Variants in RBFOX1 observed in about 807,000 individuals in gnomAD.
RBFOX1 encodes the protein RNA binding protein fox-1 homolog 1.
RBFOX1 carries 8 observed loss-of-function variants against 57.7 expected under a neutral mutation model. That is an observed-to-expected ratio of 0.14 (90% CI 0.08 to 0.25). The LOEUF (loss-of-function observed/expected upper bound fraction) is 0.25, where lower values mean the gene tolerates loss of function less well. Among genes scored for constraint, RBFOX1 ranks in the 10% least tolerant of loss-of-function variants. The pLI is 1.00. For synonymous variants in RBFOX1, 326 were observed against 222.4 expected (o/e 1.47, Z -4.15); for missense variants, 611 against 548.5 (o/e 1.11, Z -1.14).
intron 1 of RBFOX1, among the ~76,000 whole-genome samples, chr16:6,021,023 C>T (rs1488127574): frequency 6.6e-6 from 1 of 152,176 alleles, no homozygotes; most frequent in Non-Finnish European, 1.5e-5. Context: ...GGCACTGGAA[C>T]ATCTGGGGTG....
At chr16:5,358,681 G>T (rs944819843) in intron 1 of RBFOX1, among the ~76,000 whole-genome samples, 1 of 152,152 alleles carries the variant, frequency 6.6e-6, no homozygotes, top group Non-Finnish European at 1.5e-5. Flanking sequence ...AAATTAGCCG[G>T]GTGTGGTGGC....
chr16:6,565,357 A>G (rs550893803), intron 2 of RBFOX1, among the ~76,000 whole-genome samples: 1 of 152,116 alleles, frequency 6.6e-6, no homozygotes, highest in Admixed American at 6.5e-5. Flanking sequence ...CCCAGATTCA[A>G]GCTGATTCTC....
rs1038322483 is a variant in RBFOX1 at position 5,351,201 on chromosome 16, C to T, written c.219+111096C>T. 4.6e-5 allele frequency among the ~76,000 whole-genome samples: 7 copies of T among 152,080 alleles called. No homozygotes were observed. The East Asian group carries it at 5.8e-4, about 13-fold the overall frequency. ...TAATGCCATATTGATTTATTTAACT[C>T]GACTATGTGCCAGACACTGCCTGAA... On this transcript the variant is annotated intron_variant, in intron 1 of 2. Coordinates refer to the RBFOX1 transcript ENST00000585867.
chr16:6,344,508 C>T (rs1306295571), intron 2 of RBFOX1, among the ~76,000 whole-genome samples: 1 of 147,972 alleles, frequency 6.8e-6, no homozygotes, highest in African/African-American at 2.5e-5. Flanking sequence ...CGCCATTCTC[C>T]TGCCTCAGCC....
chr16:6,903,653 G>A (rs767346772), intron 3 of RBFOX1, among the ~76,000 whole-genome samples: 1 of 152,218 alleles, frequency 6.6e-6, no homozygotes, highest in South Asian at 2.1e-4. Flanking sequence ...TGGATAAGCA[G>A]GTGTTCTCTT....
intron 11 of RBFOX1, among the ~76,000 whole-genome samples, chr16:7,635,604 T>C (rs1418120389): frequency 6.6e-6 from 1 of 152,150 alleles, no homozygotes; most frequent in Non-Finnish European, 1.5e-5. Flanking sequence ...AGTTTGACTT[T>C]ACAGAGGAGA....
intron 3 of RBFOX1, among the ~76,000 whole-genome samples, chr16:6,827,292 C>G (rs992582039): frequency 5.9e-5 from 9 of 151,938 alleles, no homozygotes; most frequent in Non-Finnish European, 1.3e-4. Context: ...GTGCTGTCCT[C>G]CAAACCAGGC....
intron 3 of RBFOX1, among the ~76,000 whole-genome samples, chr16:5,852,646 G>A (rs1489601858): frequency 1.3e-5 from 2 of 152,060 alleles, no homozygotes; most frequent in Non-Finnish European, 2.9e-5. Flanking sequence ...GGTGGAGGGG[G>A]GTGATTAATA....
intron 3 of RBFOX1, among the ~76,000 whole-genome samples, chr16:5,844,577 G>A (rs1365456576): frequency 6.6e-6 from 1 of 152,114 alleles, no homozygotes; most frequent in Non-Finnish European, 1.5e-5. Flanking sequence ...ACTTCAAAAT[G>A]TGCTGTGTCC....
At chr16:6,558,096 G>C (rs1435512839) in intron 2 of RBFOX1, among the ~76,000 whole-genome samples, 1 of 152,106 alleles carries the variant, frequency 6.6e-6, no homozygotes, top group Non-Finnish European at 1.5e-5. Flanking sequence ...TTAATATTAA[G>C]TTATTATGTA....
chr16:7,431,589 G>A (rs1540350), intron 4 of RBFOX1, among the ~76,000 whole-genome samples: 59,087 of 152,022 alleles, frequency 0.39, 15,839 homozygotes, highest in African/African-American at 0.76. Flanking sequence ...TAAAATACAC[G>A]TAACATAAAA....
chr16:7,710,423 G>C, intron 15 of RBFOX1, 200 bp from the exon 16 acceptor site: 2 of 1,395,942 alleles, frequency 1.4e-6, no homozygotes, highest in Non-Finnish European at 9.2e-7. Context: ...GGTTTTGCAG[G>C]GAATTTCTTT....
chr16:6,195,732 A>G (rs1040726030), intron 1 of RBFOX1, among the ~76,000 whole-genome samples: 1 of 152,012 alleles, frequency 6.6e-6, no homozygotes, highest in Non-Finnish European at 1.5e-5. Context: ...AAAAAGAAAA[A>G]AAAAAAAAGG....
intron 4 of RBFOX1, among the ~76,000 whole-genome samples, chr16:7,475,309 CTTT>C (rs753509713): frequency 1.5e-5 from 2 of 132,770 alleles, no homozygotes; most frequent in East Asian, 2.2e-4. Flanking sequence ...GATGGGCATT[CTTT>C]TTTTTTTTTT....
At chr16:7,670,270 G>T (rs1393296464) in intron 13 of RBFOX1, among the ~76,000 whole-genome samples, 1 of 152,194 alleles carries the variant, frequency 6.6e-6, no homozygotes, top group Non-Finnish European at 1.5e-5. Flanking sequence ...GACCTCAAGT[G>T]ATCCAGCTGC....
rs952418553 is a variant in RBFOX1, at chr16:7,506,564, A to T, written c.28-11583A>T. On this transcript the variant is annotated intron_variant, in intron 4 of 15. Transcript: ENST00000550418. ...ACCAGACATCGTCATCACCATCACC[A>T]TTATTACCATCACCTTCATCATCAT... is the stretch of plus-strand genomic sequence containing the variant. Among the ~76,000 whole-genome samples, 3 of 151,878 alleles carry T rather than the reference A, an allele frequency of 2.0e-5. No homozygotes were observed. In the East Asian group the frequency reaches 5.8e-4, roughly 29 times the overall value.
chr16:5,932,443 A>C (rs1438783365), intron 4 of RBFOX1, among the ~76,000 whole-genome samples: 1 of 152,174 alleles, frequency 6.6e-6, no homozygotes, highest in East Asian at 1.9e-4. Flanking sequence ...AAATTCAGCA[A>C]GGTCGACAGT....
At chr16:5,638,951 G>A (rs933707659) in intron 3 of RBFOX1, among the ~76,000 whole-genome samples, 25 of 152,298 alleles carry the variant, frequency 1.6e-4, no homozygotes, top group African/African-American at 6.0e-4. Context: ...GATTCCTACA[G>A]AAATGCCATT....
At chr16:6,537,383 G>C (rs796653881) in intron 2 of RBFOX1, among the ~76,000 whole-genome samples, 4 of 152,302 alleles carry the variant, frequency 2.6e-5, no homozygotes, top group Admixed American at 2.0e-4. Flanking sequence ...GATGAATTGT[G>C]TAGGTATTCA....
Sources: allele counts gnomAD v4.1 joint callset (sites outside exome capture counted in the v4.1 genomes callset), GRCh38; gene constraint gnomAD v4.1.1; transcripts MANE v1.5; gene names NCBI Gene and HGNC (gene_info 2026-07-23, HGNC 2026-07-21).